TTC9C: variants seen among roughly 807,000 people sequenced by gnomAD.
TTC9C encodes tetratricopeptide repeat domain 9C, also known as tetratricopeptide repeat protein 9C.
Under a neutral mutation model 22.5 loss-of-function variants are expected in TTC9C, and 15 were observed. The ratio of observed to expected loss-of-function variants is 0.67; its 90% confidence interval spans 0.45 to 1.03. The LOEUF (loss-of-function observed/expected upper bound fraction) is 1.03. Among genes scored for constraint, TTC9C ranks in the 50% least tolerant of loss-of-function variants. The pLI is 0.00. For missense variants in TTC9C, 244 were observed against 214.6 expected (o/e 1.14, Z -0.86); for synonymous variants, 92 against 86.8 (o/e 1.06, Z -0.33).
intron 2 of TTC9C, among the ~76,000 whole-genome samples, chr11:62,737,455 C>A (rs1427422987): frequency 6.6e-6 from 1 of 152,136 alleles, no homozygotes; most frequent in Non-Finnish European, 1.5e-5. Flanking sequence ...AGACTCATTC[C>A]TGTGTTGGTT....
chr11:62,737,555 G>A (rs1307151575), intron 2 of TTC9C, among the ~76,000 whole-genome samples: 1 of 152,136 alleles, frequency 6.6e-6, no homozygotes, highest in African/African-American at 2.4e-5. Flanking sequence ...GTATAGCAGT[G>A]CAGTAAAATC....
chr11:62,729,557 C>A (rs2083821445), intron 1 of TTC9C, among the ~76,000 whole-genome samples: 1 of 150,450 alleles, frequency 6.6e-6, no homozygotes, highest in African/African-American at 2.4e-5. Context: ...CGCCAGCCAC[C>A]ACGCCCAGCT....
At chr11:62,729,402 AT>A in intron 1 of TTC9C, among the ~76,000 whole-genome samples, 1 of 133,324 alleles carries the variant, frequency 7.5e-6, no homozygotes, top group African/African-American at 3.0e-5. Flanking sequence ...ATTTTATTTT[AT>A]TTTATTTTTT....
chr11:62,736,839 GCCAGACTCCATC>G (rs1372938350), intron 2 of TTC9C, among the ~76,000 whole-genome samples: 1 of 151,234 alleles, frequency 6.6e-6, no homozygotes, highest in Non-Finnish European at 1.5e-5. Context: ...GGGCGACAGA[GCCAGACTCCATC>G]CCAAAAAAAA....
chr11:62,728,304 C>T (rs1042512891), upstream of TTC9C: 1 of 359,712 alleles, frequency 2.8e-6, no homozygotes, highest in Non-Finnish European at 5.5e-6. Flanking sequence ...ATGTGGACAC[C>T]TCAGTGTCGC....
At chr11:62,728,246 G>C, upstream of TTC9C, 1 of 337,380 alleles carries the variant, frequency 3.0e-6, no homozygotes, top group Non-Finnish European at 5.8e-6. Flanking sequence ...ATCTGCAGAG[G>C]GCGAGGAACT....
Position 62,738,294 on chromosome 11 carries a change from A to T in TTC9C, c.428A>T (p.Asn143Ile). The change falls in exon 3 of 3, where the codon AAC (asparagine) becomes ATC (isoleucine). Residue 143 changes from asparagine (N) to isoleucine (I), a missense_variant. By Grantham distance (149) the Asn-to-Ile change is moderately radical. Transcript: ENST00000316461. ...AAVNRQPKDA[N>I]VRRYLQLTQS... is the part of the protein sequence containing the mutation. ...TTCTCCATCATCTTCCAAGATGCCA[A>T]CGTCCGGCGGTACCTCCAGCTGACA... 1 of 1,611,000 alleles carries T rather than the reference A, an allele frequency of 6.2e-7. No individual in the cohort carries two copies. Among genetic ancestry groups the T allele is most frequent in the Non-Finnish European group, 8.5e-7 (1 of 1,178,294 alleles).
chr11:62,736,869 G>A (rs989020938), intron 2 of TTC9C, among the ~76,000 whole-genome samples: 7 of 150,774 alleles, frequency 4.6e-5, no homozygotes, highest in African/African-American at 1.7e-4. Context: ...AAAAAAAAGC[G>A]AGTGTCGTTT....
chr11:62,729,489 C>G (rs1191879238), intron 1 of TTC9C, among the ~76,000 whole-genome samples: 1 of 151,698 alleles, frequency 6.6e-6, no homozygotes, highest in African/African-American at 2.4e-5. Context: ...GCCTCCCCGT[C>G]CCGGGTTCAA....
rs772468032 is a variant in TTC9C at position 62,728,708 on chromosome 11, C to G, written c.-141C>G. 3 of 810,514 alleles carry G rather than the reference C, an allele frequency of 3.7e-6. No individual in the cohort carries two copies. In the South Asian group the frequency reaches 4.3e-5, roughly 12 times the overall value. 50.2% of individuals were successfully genotyped at this position (810,514 alleles called of 1,614,324 possible). A position where few individuals can be genotyped will look rare whatever the true frequency, so the allele number is the denominator to read the frequency against. On this transcript the variant is annotated 5_prime_UTR_variant, in exon 1 of 3. Coordinates refer to ENST00000316461, the MANE Select transcript of TTC9C (RefSeq NM_173810.4). ...CAGTAGAAACAAGCAAACCGCAGGT[C>G]CCTGTGGGGGGACTCTCCAGGAAGA...
Position 62,728,914 on chromosome 11 carries a change from G to A in TTC9C, c.66G>A (p.Gly22=). The stretch of plus-strand genomic sequence containing the variant: ...AAGGGAACCAGCGCTACCGGGAAGG[G>A]AAGTACCGAGATGCTGTGAGTAGGT... ...KEEGNQRYRE[G]KYRDAVSRYH... Residue 22 remains glycine (G), a synonymous_variant, in exon 1 of 3, where the codon GGG becomes GGA. Transcript: ENST00000316461. The A allele has an allele frequency of 6.2e-7, 1 of 1,614,180 alleles. No individual in the cohort carries two copies. Among genetic ancestry groups the A allele is most frequent in the Admixed American group, 1.7e-5 (1 of 60,008 alleles).
In TTC9C at chr11:62,729,048, T is replaced by C; in HGVS notation, c.200T>C (p.Leu67Ser). ...CTCACGCCTGAACAAGAAAACATAT[T>C]GCATACCACCCAGACAGACTGCTAT... ...PALTPEQENI[L>S]HTTQTDCYNN... The change falls in exon 1 of 3, where the codon TTG becomes TCG. Residue 67 changes from leucine to serine, a missense_variant. By Grantham distance (145) the Leu-to-Ser change is moderately radical. Transcript: ENST00000316461. 1 of 1,614,076 alleles carries C rather than the reference T, an allele frequency of 6.2e-7. No homozygotes were observed. Among genetic ancestry groups the C allele is most frequent in the South Asian group, 1.1e-5 (1 of 91,076 alleles).
chr11:62,735,601 T>A, intron 2 of TTC9C, 37 bp downstream of exon 2: 1 of 1,568,876 alleles, frequency 6.4e-7, no homozygotes, highest in Non-Finnish European at 8.7e-7. Context: ...AAAGACAAAA[T>A]TGTCTTGCTG....
Position 62,733,609 on chromosome 11 carries a change from AT to A in TTC9C, c.239-1761del, listed in dbSNP as rs941379562. On this transcript the variant is annotated intron_variant, in intron 1 of 2. Transcript: ENST00000316461. ...TTTTTAAAAAATTGTAATTTATCTA[AT>A]TTTTTTTTTTTAAGATGGAGTCTTG... 1.6e-3 allele frequency among the ~76,000 whole-genome samples: 239 copies of A among 147,444 alleles called. 1 individual carries two copies. The highest frequency in any genetic ancestry group is 3.9e-3 in the African/African-American group (157 of 40,522).
intron 2 of TTC9C, among the ~76,000 whole-genome samples, chr11:62,736,849 A>G (rs2083918878): frequency 6.6e-6 from 1 of 151,062 alleles, no homozygotes; most frequent in Admixed American, 6.6e-5. Flanking sequence ...GCCAGACTCC[A>G]TCCCAAAAAA....
chr11:62,728,062 C>T (rs545601355), upstream of TTC9C: 17 of 147,446 alleles, frequency 1.2e-4, no homozygotes, highest in Admixed American at 1.1e-3. Flanking sequence ...CCAGGTTGGT[C>T]CGCTGAGGAG....
rs371754094 is a variant in TTC9C at position 62,728,926 on chromosome 11, T to A, written c.78T>A (p.Asp26Glu). Reference protein sequence around the residue: ...NQRYREGKYRDAVSRYHRALL... With the variant: ...NQRYREGKYREAVSRYHRALL... ...GCTACCGGGAAGGGAAGTACCGAGA[T>A]GCTGTGAGTAGGTACCATCGAGCTC... is the stretch of plus-strand genomic sequence containing the variant. The change falls in exon 1 of 3, where the codon GAT becomes GAA. Residue 26 changes from aspartate to glutamate, a missense_variant. By Grantham distance (45) the Asp-to-Glu change is conservative. Transcript: ENST00000316461. The A allele has an allele frequency of 7.4e-6, 12 of 1,614,010 alleles. No individual in the cohort carries two copies. The African/African-American group carries it at 1.6e-4, about 22-fold the overall frequency.
chr11:62,734,364 C>T (rs992209843), intron 1 of TTC9C, among the ~76,000 whole-genome samples: 2 of 151,868 alleles, frequency 1.3e-5, no homozygotes, highest in Non-Finnish European at 2.9e-5. Context: ...CTTTGGGAGG[C>T]CAAGGTGGAC....
chr11:62,733,130 G>A, intron 1 of TTC9C: 1 of 1,288,320 alleles, frequency 7.8e-7, no homozygotes, highest in Non-Finnish European at 1.0e-6. Flanking sequence ...GTGAAATAGG[G>A]AGTGTTTCCC....
Sources: allele counts gnomAD v4.1 joint callset (sites outside exome capture counted in the v4.1 genomes callset), GRCh38; gene constraint gnomAD v4.1.1; transcripts MANE v1.5; gene names NCBI Gene and HGNC (gene_info 2026-07-23, HGNC 2026-07-21).